Variants in CTNNA2 observed in about 807,000 individuals in gnomAD.
CTNNA2 encodes the protein catenin alpha-2.
Under a neutral mutation model 101.0 loss-of-function variants are expected in CTNNA2, and 42 were observed. That is an observed-to-expected ratio of 0.42 (90% CI 0.32 to 0.54). CTNNA2 has a LOEUF of 0.54. Ranked by LOEUF, CTNNA2 falls within the 20% of genes least tolerant of loss-of-function variation. The pLI, the probability that CTNNA2 is intolerant of heterozygous loss-of-function variation, is 0.14. For missense variants in CTNNA2, 871 were observed against 1,223.1 expected, an observed-to-expected ratio of 0.71 and a Z score of 4.29; for synonymous variants, 450 against 456.4, an observed-to-expected ratio of 0.99 and a Z score of 0.18.
chr2:79,223,052 CGA>C (rs1674365292), intron 2 of CTNNA2, among the ~76,000 whole-genome samples: 1 of 152,110 alleles, frequency 6.6e-6, no homozygotes, highest in African/African-American at 2.4e-5. Context: ...CCCAGCTACT[CGA>C]GAGTCTGAGG....
intron 7 of CTNNA2, among the ~76,000 whole-genome samples, chr2:79,934,299 G>T (rs1687640336): frequency 6.6e-6 from 1 of 152,180 alleles, no homozygotes; most frequent in Non-Finnish European, 1.5e-5. Context: ...AAAAGTAACT[G>T]TAAAAACAGC....
chr2:80,471,820 T>TAA (rs35114377), intron 9 of CTNNA2, among the ~76,000 whole-genome samples: 1 of 150,772 alleles, frequency 6.6e-6, no homozygotes, highest in African/African-American at 2.4e-5. Context: ...TCAAGTTTGT[T>TAA]AAAAAAAAAA....
intron 6 of CTNNA2, among the ~76,000 whole-genome samples, chr2:79,887,097 G>A (rs1312250542): frequency 1.3e-5 from 2 of 152,200 alleles, no homozygotes; most frequent in East Asian, 1.9e-4. Flanking sequence ...GATTACAGGC[G>A]TGAGCCACAG....
chr2:80,214,621 CCT>C (rs1708134536), intron 7 of CTNNA2, among the ~76,000 whole-genome samples: 1 of 152,152 alleles, frequency 6.6e-6, no homozygotes, highest in African/African-American at 2.4e-5. Flanking sequence ...GGTAACCCGA[CCT>C]CTCTCTCTGG....
chr2:79,939,231 G>T (rs964606950), intron 7 of CTNNA2, among the ~76,000 whole-genome samples: 6 of 152,204 alleles, frequency 3.9e-5, no homozygotes, highest in African/African-American at 1.4e-4. Flanking sequence ...TGTGTTGAGT[G>T]CCTGATTGTG....
intron 3 of CTNNA2, among the ~76,000 whole-genome samples, chr2:79,791,690 T>G (rs895587159): frequency 7.2e-5 from 11 of 152,192 alleles, no homozygotes; most frequent in African/African-American, 2.7e-4. Context: ...TCTCCAAGAC[T>G]GGGAAGTAGA....
At chr2:79,770,682 A>G (rs1673508289) in intron 3 of CTNNA2, among the ~76,000 whole-genome samples, 1 of 152,230 alleles carries the variant, frequency 6.6e-6, no homozygotes, top group African/African-American at 2.4e-5. Context: ...TTACTCATTC[A>G]ATTTCTGATT....
intron 7 of CTNNA2, among the ~76,000 whole-genome samples, chr2:79,931,656 A>G (rs918569686): frequency 1.3e-5 from 2 of 152,186 alleles, no homozygotes; most frequent in South Asian, 2.1e-4. Flanking sequence ...TCAGTTCTCA[A>G]TGGACTGGAA....
chr2:80,640,521 G>T (rs769749965), intron 18 of CTNNA2, among the ~76,000 whole-genome samples: 1 of 152,134 alleles, frequency 6.6e-6, no homozygotes, highest in Non-Finnish European at 1.5e-5. Flanking sequence ...GTCTTTGTTT[G>T]CTTGAGTTAT....
chr2:79,653,545 C>T (rs1446604816), intron 2 of CTNNA2, among the ~76,000 whole-genome samples: 1 of 152,128 alleles, frequency 6.6e-6, no homozygotes, highest in African/African-American at 2.4e-5. Flanking sequence ...CTTCAAAGAG[C>T]CCTCCTTTCA....
intron 7 of CTNNA2, among the ~76,000 whole-genome samples, chr2:80,345,140 C>T (rs1398332276): frequency 6.6e-6 from 1 of 152,206 alleles, no homozygotes; most frequent in Non-Finnish European, 1.5e-5. Context: ...AATCATTTCT[C>T]TTCTCAAAAC....
At chr2:79,723,046 A>G (rs1200160140) in intron 2 of CTNNA2, among the ~76,000 whole-genome samples, 1 of 152,204 alleles carries the variant, frequency 6.6e-6, no homozygotes, top group Non-Finnish European at 1.5e-5. Flanking sequence ...AGTAAGAGAA[A>G]ATATTGCAAG....
intron 7 of CTNNA2, among the ~76,000 whole-genome samples, chr2:80,364,087 G>A (rs1406062133): frequency 6.6e-6 from 1 of 151,958 alleles, no homozygotes; most frequent in African/African-American, 2.4e-5. Flanking sequence ...AGTTTGTGTG[G>A]GGAGGACTGA....
chr2:79,269,625 G>A (rs1675036150), intron 2 of CTNNA2, among the ~76,000 whole-genome samples: 1 of 152,084 alleles, frequency 6.6e-6, no homozygotes, highest in African/African-American at 2.4e-5. Context: ...TTCTTCACCT[G>A]GGTAACTACC....
chr2:80,045,011 G>A (rs957599660), intron 7 of CTNNA2, among the ~76,000 whole-genome samples: 1 of 152,132 alleles, frequency 6.6e-6, no homozygotes, highest in Non-Finnish European at 1.5e-5. Flanking sequence ...GTTGCATGAG[G>A]GTTTATTTGG....
chr2:80,367,416 G>A (rs1319380136), intron 7 of CTNNA2, among the ~76,000 whole-genome samples: 1 of 152,104 alleles, frequency 6.6e-6, no homozygotes, highest in Non-Finnish European at 1.5e-5. Flanking sequence ...TGGGGTTATT[G>A]TGGAGGTGGG....
At chr2:80,493,886 A>C (rs1687245697) in intron 9 of CTNNA2, among the ~76,000 whole-genome samples, 1 of 152,210 alleles carries the variant, frequency 6.6e-6, no homozygotes, top group African/African-American at 2.4e-5. Flanking sequence ...GGCTATTTAA[A>C]AAGTTATATG....
intron 9 of CTNNA2, among the ~76,000 whole-genome samples, chr2:80,465,192 C>G (rs982773891): frequency 6.6e-6 from 1 of 152,142 alleles, no homozygotes; most frequent in African/African-American, 2.4e-5. Context: ...GTGAATTAAT[C>G]TTTTCAACCT....
intron 3 of CTNNA2, among the ~76,000 whole-genome samples, chr2:79,344,838 A>C (rs149882936): frequency 0.052 from 7,582 of 145,756 alleles, 295 homozygotes; most frequent in Middle Eastern, 0.11. Flanking sequence ...TAATATATAT[A>C]ATACAAATAT....
Sources: allele counts gnomAD v4.1 joint callset (sites outside exome capture counted in the v4.1 genomes callset), GRCh38; gene constraint gnomAD v4.1.1; transcripts MANE v1.5; gene names NCBI Gene and HGNC (gene_info 2026-07-23, HGNC 2026-07-21).